The following SEZ6 variants were observed in gnomAD, a reference collection of about 807,000 sequenced individuals.
SEZ6 encodes the protein seizure related 6 homolog.
Under a neutral mutation model 101.0 loss-of-function variants are expected in SEZ6, and 53 were observed. That is an observed-to-expected ratio of 0.52 (90% confidence interval 0.42 to 0.66). The LOEUF is 0.66. Ranked by LOEUF, SEZ6 falls within the 30% of genes least tolerant of loss-of-function variation. The pLI is 0.00. For synonymous variants in SEZ6, 488 were observed against 512.2 expected (o/e 0.95, Z 0.64); for missense variants, 1,102 against 1,289.4 (o/e 0.85, Z 2.23).
chr17:28,978,127 A>G (rs1213820336), intron 3 of SEZ6, among the ~76,000 whole-genome samples: 2 of 152,200 alleles, frequency 1.3e-5, no homozygotes, highest in Non-Finnish European at 2.9e-5. Context: ...TCCCCAATCC[A>G]GGGACATGCA....
At chr17:28,958,907 C>T in intron 10 of SEZ6, 118 bp downstream of exon 10, 1 of 1,171,038 alleles carries the variant, frequency 8.5e-7, no homozygotes, top group Non-Finnish European at 1.2e-6. Flanking sequence ...CAGGTGATCC[C>T]TGGTGCTTTT....
chr17:28,956,504 C>G, intron 14 of SEZ6, 37 bp from the exon 15 acceptor site: 1 of 1,538,096 alleles, frequency 6.5e-7, no homozygotes, highest in Non-Finnish European at 8.8e-7. Flanking sequence ...GCAGAGGTCT[C>G]TGTCACCTGG....
rs771188947 is a variant in SEZ6 at position 28,960,560 on chromosome 17, A to G, written c.1521T>C (p.Val507=). 11 of 1,594,196 alleles carry G rather than the reference A, an allele frequency of 6.9e-6. No homozygotes were observed. Among genetic ancestry groups the G allele is most frequent in the Non-Finnish European group, 9.4e-6 (11 of 1,170,734 alleles). The change falls in exon 7 of 17, where the codon GTT becomes GTC. Residue 507 remains valine (V), a synonymous_variant. Coordinates refer to ENST00000317338, the MANE Select transcript of SEZ6 (RefSeq NM_178860.5). ...CCCCGCTGCTGTCAGTACTGAGCTC[A>G]ACAAAGAAGTGTTTGCCAGAGCTGA... ...GLLSSGKHFF[V]ELSTDSSGAA...
At chr17:28,984,319 ATGGCGC>A (rs2041348477) in intron 1 of SEZ6, among the ~76,000 whole-genome samples, 1 of 152,194 alleles carries the variant, frequency 6.6e-6, no homozygotes, top group East Asian at 1.9e-4. Context: ...TGATTCTAGC[ATGGCGC>A]AAGGAAGGGG....
Position 28,967,386 on chromosome 17 carries a change from G to A in SEZ6, c.1054+2371C>T, listed in dbSNP as rs114075033. Reference sequence around the variant, plus strand: ...GGAAGTACTAGACCAGGAACTTGAAGCTCCTGGGCTCTGAAGCCTTCTTGC... The same window carrying A: ...GGAAGTACTAGACCAGGAACTTGAAACTCCTGGGCTCTGAAGCCTTCTTGC... On this transcript the variant is annotated intron_variant, in intron 4 of 16. Coordinates refer to ENST00000317338, the MANE Select transcript of SEZ6 (RefSeq NM_178860.5). 1.2e-3 allele frequency among the ~76,000 whole-genome samples: 177 copies of A among 152,276 alleles called. 2 individuals are homozygous for A. Among genetic ancestry groups the A allele is most frequent in the African/African-American group, 3.7e-3 (155 of 41,568 alleles).
At chr17:28,994,225 G>A (rs2041505113) in intron 1 of SEZ6, among the ~76,000 whole-genome samples, 2 of 152,164 alleles carry the variant, frequency 1.3e-5, no homozygotes, top group Admixed American at 6.5e-5. Context: ...GGGTTTGCCC[G>A]GCCTCTCTGG....
chr17:28,990,108 C>G (rs1209175146), intron 1 of SEZ6, among the ~76,000 whole-genome samples: 1 of 152,084 alleles, frequency 6.6e-6, no homozygotes, highest in East Asian at 1.9e-4. Context: ...AATGAAAGAC[C>G]ACCAGGTTTG....
At chr17:28,983,732 G>C (rs907721439) in intron 1 of SEZ6, among the ~76,000 whole-genome samples, 7 of 152,074 alleles carry the variant, frequency 4.6e-5, no homozygotes, top group Admixed American at 1.3e-4. Context: ...GATCCTTACA[G>C]CTCTCAAAAT....
At chr17:28,991,758 G>A (rs1342047124) in intron 1 of SEZ6, among the ~76,000 whole-genome samples, 1 of 152,160 alleles carries the variant, frequency 6.6e-6, no homozygotes, top group Non-Finnish European at 1.5e-5. Context: ...AGGCCTCGGG[G>A]AACTGGGCGT....
chr17:28,956,253 C>A lies in SEZ6; in HGVS notation c.2858G>T (p.Gly953Val), dbSNP rs1335956004. The part of the protein sequence containing the change: ...GVYFYFSRLQ[G>V]KSSLQLPRPR... Reference sequence around the variant, plus strand: ...GCGGGGCAGCTGCAGGGAGCTTTTTCCCTGGAGCCTGTGGGGCAGAGAAGC... The same window carrying A: ...GCGGGGCAGCTGCAGGGAGCTTTTTACCTGGAGCCTGTGGGGCAGAGAAGC... The change falls in exon 16 of 17, where the codon GGA becomes GTA. Residue 953 changes from glycine to valine, a missense_variant. Gly to Val is a moderately radical substitution (Grantham distance 109). This residue lies in a region of SEZ6 where 140 missense variants were observed against 135.7 expected (regional missense o/e 1.03). Coordinates refer to ENST00000317338, the MANE Select transcript of SEZ6 (RefSeq NM_178860.5). The A allele has an allele frequency of 1.9e-6, 3 of 1,598,792 alleles. No individual in the cohort carries two copies. The highest frequency in any genetic ancestry group is 2.6e-6 in the Non-Finnish European group (3 of 1,173,132).
chr17:28,987,789 T>C (rs960434704), intron 1 of SEZ6, among the ~76,000 whole-genome samples: 1 of 152,142 alleles, frequency 6.6e-6, no homozygotes, highest in Non-Finnish European at 1.5e-5. Context: ...TTTGGGACAT[T>C]ATCCCAAGAG....
chr17:28,973,392 G>T (rs2041180113), intron 3 of SEZ6, among the ~76,000 whole-genome samples: 1 of 152,180 alleles, frequency 6.6e-6, no homozygotes, highest in African/African-American at 2.4e-5. Flanking sequence ...TTTTTAAGAT[G>T]TTGGGATTTG....
chr17:28,960,447 T>C (rs760885656), intron 7 of SEZ6, 58 bp downstream of exon 7: 1 of 1,548,982 alleles, frequency 6.5e-7, no homozygotes, highest in South Asian at 1.2e-5. Context: ...AGAAAGACCC[T>C]AGGCCCGAGC....
chr17:28,984,514 A>G (rs1873477), intron 1 of SEZ6, among the ~76,000 whole-genome samples: 21,265 of 152,206 alleles, frequency 0.14, 1,580 homozygotes, highest in South Asian at 0.26. Context: ...CAGGGCAGGC[A>G]CAGCTCTTCC....
chr17:29,001,142 T>G (rs575686549), intron 1 of SEZ6, among the ~76,000 whole-genome samples: 2 of 152,350 alleles, frequency 1.3e-5, no homozygotes, highest in South Asian at 4.1e-4. Flanking sequence ...AAAAAAATTC[T>G]AACATACAAT....
chr17:28,959,728 G>A lies in SEZ6; in HGVS notation c.1741C>T (p.Gln581Ter). ...IIECVDPHDP[Q>*]WNETEPACRA... is the part of the protein sequence containing the mutation. ...CAGGCTGGCTCTGTCTCATTCCACT[G>A]GGGGTCGTGGGGGTCAACACACTCG... Residue 581 changes from glutamine to a stop codon, truncating the protein, a stop_gained, in exon 8 of 17, where the codon CAG becomes TAG. Transcript: ENST00000317338. LOFTEE classifies it high-confidence loss of function. The surrounding 1 kb of genome is among the most constrained non-coding windows in gnomAD (Gnocchi z 4.4). 6.2e-7 allele frequency: 1 copy of A among 1,605,712 alleles called. No individual in the cohort carries two copies. The highest frequency in any genetic ancestry group is 1.1e-5 in the South Asian group (1 of 89,962).
intron 4 of SEZ6, among the ~76,000 whole-genome samples, chr17:28,966,895 G>T (rs1187664964): frequency 6.6e-6 from 1 of 152,176 alleles, no homozygotes; most frequent in Non-Finnish European, 1.5e-5. Context: ...TCTCTCATGG[G>T]GCTCTGGAGA....
At chr17:29,000,060 C>T (rs1236196518) in intron 1 of SEZ6, among the ~76,000 whole-genome samples, 1 of 152,242 alleles carries the variant, frequency 6.6e-6, no homozygotes, top group East Asian at 1.9e-4. Flanking sequence ...ATAATAACTT[C>T]TATCTCACAG....
Position 29,005,876 on chromosome 17 carries a change from G to T in SEZ6, c.-7C>A. ...GCAGGGCTACCGGGCGCATGGTGCT[G>T]GTTGCGGCCGCGCCCTGGGCTGGGA... On this transcript the variant is annotated 5_prime_UTR_variant, in exon 1 of 17. Coordinates refer to ENST00000317338, the MANE Select transcript of SEZ6 (RefSeq NM_178860.5). This position sits in a 1 kb window ranked among gnomAD's most constrained non-coding sequence, Gnocchi z 4.8. 1.4e-6 allele frequency: 2 copies of T among 1,455,856 alleles called. No individual in the cohort carries two copies. Among genetic ancestry groups the T allele is most frequent in the Non-Finnish European group, 9.1e-7 (1 of 1,103,008 alleles). 90.2% of individuals were successfully genotyped at this position (1,455,856 alleles called of 1,614,324 possible).
Sources: gnomAD v4.1 joint callset for allele counts (sites outside exome capture counted in the v4.1 genomes callset) on GRCh38, gnomAD v4.1.1 for gene constraint, gnomAD v4.1.1 regional missense constraint, Gnocchi (gnomAD v3.1) non-coding constraint, MANE v1.5 for transcripts, NCBI Gene and HGNC (gene_info 2026-07-23, HGNC 2026-07-21) for gene names.